Variants in ASIC2 observed in about 807,000 individuals in gnomAD.
ASIC2 encodes acid-sensing ion channel 2.
In ASIC2, 25 loss-of-function variants were observed where a neutral mutation model predicts 57.3. The observed-to-expected ratio is 0.44, with a 90% confidence interval of 0.32 to 0.61. The LOEUF is 0.61. ASIC2 is among the 20% of genes least tolerant of loss of function. ASIC2 has a pLI of 0.06. For synonymous variants in ASIC2, 319 were observed against 307.5 expected, an observed-to-expected ratio of 1.04 and a Z score of -0.39; for missense variants, 641 against 738.1, an observed-to-expected ratio of 0.87 and a Z score of 1.52.
At chr17:33,428,409 G>A (rs1217214436) in intron 1 of ASIC2, among the ~76,000 whole-genome samples, 1 of 152,170 alleles carries the variant, frequency 6.6e-6, no homozygotes. Flanking sequence ...CAACAAAGCA[G>A]GGATTAGGTA....
chr17:33,120,867 G>C (rs2092299733), intron 1 of ASIC2, among the ~76,000 whole-genome samples: 1 of 152,176 alleles, frequency 6.6e-6, no homozygotes, highest in South Asian at 2.1e-4. Flanking sequence ...GCACTTAATG[G>C]GAGGTTTGGG....
chr17:33,289,892 A>G (rs1905350782), intron 1 of ASIC2, among the ~76,000 whole-genome samples: 2 of 152,152 alleles, frequency 1.3e-5, no homozygotes, highest in Non-Finnish European at 2.9e-5. Context: ...TGAGGCTGCT[A>G]ATTAGTGATC....
intron 1 of ASIC2, among the ~76,000 whole-genome samples, chr17:33,743,465 A>G (rs1910169203): frequency 6.6e-6 from 1 of 152,258 alleles, no homozygotes; most frequent in Admixed American, 6.5e-5. Flanking sequence ...TGGATGGGCC[A>G]TTGGCCCAGG....
chr17:33,960,219 A>AACC (rs1904875097), intron 1 of ASIC2, among the ~76,000 whole-genome samples: 1 of 152,222 alleles, frequency 6.6e-6, no homozygotes, highest in East Asian at 1.9e-4. Context: ...TGCCAGCAGC[A>AACC]ACCTCTGTCT....
intron 2 of ASIC2, among the ~76,000 whole-genome samples, chr17:33,108,348 C>T (rs879474760): frequency 5.9e-5 from 9 of 152,210 alleles, no homozygotes; most frequent in Non-Finnish European, 1.2e-4. Flanking sequence ...CTGGGCCTGG[C>T]CTCCTTCCTC....
intron 1 of ASIC2, among the ~76,000 whole-genome samples, chr17:34,088,771 C>T (rs1910211644): frequency 6.6e-6 from 1 of 152,246 alleles, no homozygotes; most frequent in Admixed American, 6.5e-5. Flanking sequence ...TCGCTGCAGC[C>T]TTGCAGTTTG....
intron 1 of ASIC2, among the ~76,000 whole-genome samples, chr17:33,403,702 C>T (rs1186145567): frequency 6.6e-6 from 1 of 152,210 alleles, no homozygotes; most frequent in African/African-American, 2.4e-5. Flanking sequence ...AACCAGCCTT[C>T]CTCATCAAGT....
chr17:34,109,882 T>TTATC (rs1480879694), intron 1 of ASIC2, among the ~76,000 whole-genome samples: 1 of 152,090 alleles, frequency 6.6e-6, no homozygotes, highest in Non-Finnish European at 1.5e-5. Context: ...TTCTCTCTCT[T>TTATC]TATCTATCTA....
intron 1 of ASIC2, among the ~76,000 whole-genome samples, chr17:33,369,930 C>T (rs765938707): frequency 6.6e-6 from 1 of 152,200 alleles, no homozygotes; most frequent in Non-Finnish European, 1.5e-5. Context: ...TCACTTTTAA[C>T]CCCATAAGCC....
At chr17:33,385,626 C>G (rs758395579) in intron 1 of ASIC2, among the ~76,000 whole-genome samples, 1 of 152,186 alleles carries the variant, frequency 6.6e-6, no homozygotes, top group South Asian at 2.1e-4. Context: ...CGTAATGCAG[C>G]AAGTTCATTA....
chr17:33,406,121 T>C (rs955161007), intron 1 of ASIC2, among the ~76,000 whole-genome samples: 2 of 152,144 alleles, frequency 1.3e-5, no homozygotes, highest in African/African-American at 4.8e-5. Context: ...CCCTTCCTCT[T>C]GGGAAATGTA....
chr17:33,820,726 G>T (rs1173656485), intron 1 of ASIC2, among the ~76,000 whole-genome samples: 1 of 152,066 alleles, frequency 6.6e-6, no homozygotes, highest in Non-Finnish European at 1.5e-5. Flanking sequence ...ATTTTTTAAA[G>T]ATACAGGATG....
intron 1 of ASIC2, among the ~76,000 whole-genome samples, chr17:33,911,076 G>T (rs762878040): frequency 6.6e-6 from 1 of 152,180 alleles, no homozygotes; most frequent in Non-Finnish European, 1.5e-5. Context: ...CAGAGCGAGC[G>T]CCTATTGGGA....
intron 1 of ASIC2, among the ~76,000 whole-genome samples, chr17:33,418,020 A>ATGTGTGTG (rs1393294975): frequency 1.7e-5 from 2 of 117,574 alleles, no homozygotes; most frequent in African/African-American, 7.8e-5. Flanking sequence ...GGCTCTCAGC[A>ATGTGTGTG]TGTATGTATG....
chr17:33,716,729 G>T (rs907486280), intron 1 of ASIC2, among the ~76,000 whole-genome samples: 1 of 152,080 alleles, frequency 6.6e-6, no homozygotes, highest in Non-Finnish European at 1.5e-5. Flanking sequence ...TGTCATGACT[G>T]CATCTCCTGC....
intron 1 of ASIC2, among the ~76,000 whole-genome samples, chr17:33,840,941 T>C (rs317384): frequency 3.9e-5 from 6 of 152,010 alleles, no homozygotes; most frequent in African/African-American, 1.4e-4. Flanking sequence ...GCTATTCTGA[T>C]GGACAGGTAT....
In ASIC2 at chr17:33,735,319, A is replaced by G. The variant is rs114614735; in HGVS notation, c.555+420659T>C. 2.0e-3 allele frequency among the ~76,000 whole-genome samples: 309 copies of G among 152,164 alleles called. 3 individuals carry two copies. Among genetic ancestry groups the G allele is most frequent in the African/African-American group, 7.0e-3 (290 of 41,510 alleles). On this transcript the variant is annotated intron_variant, in intron 1 of 9. Coordinates refer to the ASIC2 transcript ENST00000359872. Reference sequence around the variant, plus strand: ...GTCTGGCCATGGCAGGTGCTTGGTGAGCCTTTCTTGAATGCATAAGTGGGC... The same window carrying G: ...GTCTGGCCATGGCAGGTGCTTGGTGGGCCTTTCTTGAATGCATAAGTGGGC...
At chr17:33,537,860 T>G (rs765861325) in intron 1 of ASIC2, among the ~76,000 whole-genome samples, 1 of 152,126 alleles carries the variant, frequency 6.6e-6, no homozygotes, top group African/African-American at 2.4e-5. Context: ...AGTGTGTGTC[T>G]AGGAGGGGCA....
intron 1 of ASIC2, among the ~76,000 whole-genome samples, chr17:33,838,768 G>A (rs189725088): frequency 2.0e-5 from 3 of 152,234 alleles, no homozygotes; most frequent in South Asian, 2.1e-4. Context: ...CACCTGGGGA[G>A]CTTTAAAAAT....
Sources: gnomAD v4.1 joint callset for allele counts (sites outside exome capture counted in the v4.1 genomes callset) on GRCh38, gnomAD v4.1.1 for gene constraint, MANE v1.5 for transcripts, NCBI Gene and HGNC (gene_info 2026-07-23, HGNC 2026-07-21) for gene names.